GRM8: variants seen among roughly 807,000 people sequenced by gnomAD.
GRM8 encodes the protein metabotropic glutamate receptor 8.
Under a neutral mutation model 87.2 loss-of-function variants are expected in GRM8, and 47 were observed. The observed-to-expected ratio is 0.54, with a 90% CI of 0.43 to 0.69. The LOEUF (loss-of-function observed/expected upper bound fraction) is 0.69. Among genes scored for constraint, GRM8 ranks in the 30% least tolerant of loss-of-function variants. GRM8 has a pLI of 0.00. For synonymous variants in GRM8, 396 were observed against 404.5 expected (o/e 0.98, Z 0.25); for missense variants, 1,019 against 1,139.2 (o/e 0.89, Z 1.52).
At chr7:126,761,522 G>C (rs1361999) in intron 7 of GRM8, among the ~76,000 whole-genome samples, 57,843 of 151,758 alleles carry the variant, frequency 0.38, 12,486 homozygotes, top group Non-Finnish European at 0.48. Context: ...ACATACCATC[G>C]CTGCCTTTAA....
intron 3 of GRM8, among the ~76,000 whole-genome samples, chr7:127,016,603 AAAAAATG>A (rs779386229): frequency 3.3e-5 from 5 of 152,096 alleles, no homozygotes; most frequent in Non-Finnish European, 7.4e-5. Flanking sequence ...TGCACCAAAC[AAAAAATG>A]AAATGTATCA....
chr7:126,596,202 T>C (rs904634005), intron 8 of GRM8, among the ~76,000 whole-genome samples: 2 of 152,182 alleles, frequency 1.3e-5, no homozygotes, highest in African/African-American at 4.8e-5. Context: ...TGAATGGTAA[T>C]CCTGTTTTAA....
intron 3 of GRM8, among the ~76,000 whole-genome samples, chr7:127,062,143 A>C (rs1347987697): frequency 6.3e-5 from 1 of 15,780 alleles, no homozygotes; most frequent in African/African-American, 3.0e-4. Context: ...GACTCCATCA[A>C]AAAAAAAAAA....
At chr7:126,471,019 C>G (rs1584726935) in intron 9 of GRM8, among the ~76,000 whole-genome samples, 1 of 152,274 alleles carries the variant, frequency 6.6e-6, no homozygotes, top group African/African-American at 2.4e-5. Flanking sequence ...ATGTCCTTCG[C>G]CCACTTTTTG....
intron 2 of GRM8, among the ~76,000 whole-genome samples, chr7:127,192,179 AC>A (rs1242997296): frequency 2.0e-5 from 3 of 152,240 alleles, no homozygotes; most frequent in African/African-American, 7.2e-5. Flanking sequence ...TATGTGAAAT[AC>A]CTTTTCAAAT....
intron 2 of GRM8, among the ~76,000 whole-genome samples, chr7:127,183,705 T>A (rs1212200864): frequency 7.3e-5 from 11 of 151,686 alleles, no homozygotes; most frequent in Non-Finnish European, 1.5e-4. Context: ...AATAAAATTT[T>A]AAACAGCAAA....
At chr7:126,479,793 GTTA>G (rs1421158406) in intron 9 of GRM8, among the ~76,000 whole-genome samples, 1 of 151,952 alleles carries the variant, frequency 6.6e-6, no homozygotes, top group East Asian at 1.9e-4. Context: ...GAACCACTGT[GTTA>G]TATAGAAACT....
chr7:126,701,814 C>A, intron 7 of GRM8: 3 of 1,271,838 alleles, frequency 2.4e-6, no homozygotes, highest in South Asian at 2.5e-5. Flanking sequence ...ACATCTGGAT[C>A]CCTCTTCGGC....
chr7:126,808,864 A>G (rs1441346311), intron 6 of GRM8, among the ~76,000 whole-genome samples: 1 of 152,186 alleles, frequency 6.6e-6, no homozygotes, highest in Non-Finnish European at 1.5e-5. Flanking sequence ...TTTGATGCCT[A>G]CCACAGATAA....
At chr7:126,940,313 C>A (rs1378725253) in intron 3 of GRM8, among the ~76,000 whole-genome samples, 2 of 152,150 alleles carry the variant, frequency 1.3e-5, no homozygotes, top group Non-Finnish European at 2.9e-5. Flanking sequence ...TTTCCTCTTG[C>A]AGGTTTCTGA....
chr7:126,716,333 A>G (rs570626501), intron 7 of GRM8, among the ~76,000 whole-genome samples: 5 of 151,248 alleles, frequency 3.3e-5, no homozygotes, highest in Non-Finnish European at 5.9e-5. Flanking sequence ...AACTATCTGG[A>G]GTTGTGAAGC....
chr7:126,848,854 C>T (rs2130693194), intron 6 of GRM8, among the ~76,000 whole-genome samples: 1 of 152,218 alleles, frequency 6.6e-6, no homozygotes, highest in East Asian at 1.9e-4. Context: ...TAAAGACATA[C>T]CCAAGACTGG....
At chr7:126,876,249 C>G (rs1353995495) in intron 6 of GRM8, among the ~76,000 whole-genome samples, 1 of 152,162 alleles carries the variant, frequency 6.6e-6, no homozygotes, top group Non-Finnish European at 1.5e-5. Context: ...GGCCTAGTAT[C>G]TGAATGTCTG....
chr7:127,113,567 G>C (rs1300014845), intron 2 of GRM8, among the ~76,000 whole-genome samples: 2 of 152,094 alleles, frequency 1.3e-5, no homozygotes, highest in African/African-American at 2.4e-5. Flanking sequence ...GGTTGGCGGG[G>C]TGGGTTCTTT....
chr7:126,938,895 A>C (rs1195978219), intron 3 of GRM8, among the ~76,000 whole-genome samples: 2 of 152,134 alleles, frequency 1.3e-5, no homozygotes, highest in African/African-American at 2.4e-5. Flanking sequence ...TATACATCCT[A>C]GTTCTCCCAA....
chr7:126,917,198 A>T (rs1804000150), intron 3 of GRM8, among the ~76,000 whole-genome samples: 3 of 151,930 alleles, frequency 2.0e-5, no homozygotes. Context: ...CTGGTCTCGA[A>T]CTCCTGGCCT....
intron 6 of GRM8, among the ~76,000 whole-genome samples, chr7:126,878,806 C>A (rs1799762124): frequency 6.6e-6 from 1 of 151,034 alleles, no homozygotes; most frequent in South Asian, 2.2e-4. Context: ...GGATTACAGG[C>A]ATGAGCCACT....
intron 2 of GRM8, among the ~76,000 whole-genome samples, chr7:127,146,471 A>C (rs1828562313): frequency 6.6e-6 from 1 of 152,052 alleles, no homozygotes; most frequent in African/African-American, 2.4e-5. Flanking sequence ...TCATGGCTCC[A>C]GGAGATAGAG....
At chr7:126,574,333 T>G (rs1794934510) in intron 8 of GRM8, among the ~76,000 whole-genome samples, 1 of 152,226 alleles carries the variant, frequency 6.6e-6, no homozygotes, top group African/African-American at 2.4e-5. Context: ...TGATTTTGGC[T>G]GGAATATAAT....
Sources: allele counts gnomAD v4.1 joint callset (sites outside exome capture counted in the v4.1 genomes callset), GRCh38; gene constraint gnomAD v4.1.1; transcripts MANE v1.5; gene names NCBI Gene and HGNC (gene_info 2026-07-23, HGNC 2026-07-21).